Variants in SERPINB1 observed in about 807,000 individuals in gnomAD.
SERPINB1 encodes the protein serpin family B member 1, also known as leukocyte elastase inhibitor.
In SERPINB1, 23 loss-of-function variants were observed where a neutral mutation model predicts 25.9. The observed-to-expected ratio is 0.89, with a 90% CI of 0.64 to 1.26. SERPINB1 has a LOEUF of 1.26. SERPINB1 is among the 50% of genes most tolerant of loss of function. The pLI is 0.00. For missense variants in SERPINB1, 399 were observed against 463.6 expected (o/e 0.86, Z 1.28); for synonymous variants, 178 against 178.7 (o/e 1.00, Z 0.03).
At chr6:2,834,861 A>T (rs1561935013) in intron 6 of SERPINB1, among the ~76,000 whole-genome samples, 2 of 152,250 alleles carry the variant, frequency 1.3e-5, no homozygotes. Flanking sequence ...GAAATGATGT[A>T]TATAAAGTGC....
At position 2,833,599 on chromosome 6, in the gene SERPINB1, C is replaced by T; in HGVS notation, c.*9G>A. ...AGCTTGATTTTTGTATTGCTACAGT[C>T]TCTTTCTTCTAAGGGGAAGAAAATC... On this transcript the variant is annotated 3_prime_UTR_variant, in exon 7 of 7. Transcript: ENST00000380739. The T allele has an allele frequency of 6.3e-7, 1 of 1,589,280 alleles. No homozygotes were observed. The highest frequency in any genetic ancestry group is 8.6e-7 in the Non-Finnish European group (1 of 1,167,426).
chr6:2,841,513 C>T lies in SERPINB1; in HGVS notation c.-9+299G>A, dbSNP rs994668501. ...GAATTCAGGGAGAAGGGACAACATT[C>T]TGATCTCAGGTTTCAGTCTTGCCTT... On this transcript the variant is annotated intron_variant, in intron 1 of 6. Transcript: ENST00000380739. The surrounding 1 kb of genome is among the most constrained non-coding windows in gnomAD (Gnocchi z 4.5). 1.3e-5 allele frequency: 2 copies of T among 152,596 alleles called. No individual in the cohort carries two copies. The highest frequency in any genetic ancestry group is 2.9e-5 in the Non-Finnish European group (2 of 68,348). The allele number at this position is 152,596 out of a possible 1,614,324, so 9.5% of individuals were successfully genotyped here.
chr6:2,835,078 A>G (rs191271424), intron 6 of SERPINB1, among the ~76,000 whole-genome samples: 2 of 152,238 alleles, frequency 1.3e-5, no homozygotes, highest in Non-Finnish European at 2.9e-5. Flanking sequence ...ACAATGTATT[A>G]AAAGTCTGTA....
At chr6:2,834,513 TCATCCATCCACCCATTTACTCATCCACC>T (rs1252812284) in intron 6 of SERPINB1, among the ~76,000 whole-genome samples, 3 of 149,632 alleles carry the variant, frequency 2.0e-5, no homozygotes, top group Non-Finnish European at 4.5e-5. Flanking sequence ...CACCTATCTA[TCATCCATCCACCCATTTACTCATCCACC>T]CATCCACCCA....
intron 6 of SERPINB1, among the ~76,000 whole-genome samples, chr6:2,835,239 G>A (rs1004808485): frequency 9.9e-5 from 15 of 152,156 alleles, no homozygotes; most frequent in Admixed American, 9.2e-4. Flanking sequence ...GGCCTAACAT[G>A]TCACATGAGG....
At chr6:2,836,404 C>T (rs1302988205) in intron 4 of SERPINB1, among the ~76,000 whole-genome samples, 154 bp from the exon 5 acceptor site, 1 of 152,234 alleles carries the variant, frequency 6.6e-6, no homozygotes, top group East Asian at 1.9e-4. Context: ...TACTCACTAA[C>T]ATGTCTCTAC....
chr6:2,835,927 G>C lies in SERPINB1; in HGVS notation c.664C>G (p.Gln222Glu), dbSNP rs1196608353. The change falls in exon 6 of 7, where the codon CAA becomes GAA. Residue 222 changes from glutamine (Q) to glutamate (E), a missense_variant. Gln to Glu is a conservative substitution (Grantham distance 29). Coordinates refer to ENST00000380739, the MANE Select transcript of SERPINB1 (RefSeq NM_030666.4). ...ATGACCATGCTGAGCTCCTCGCCTT[G>C]GTAAGGCAGTTCCAGCACACGGCAC... ...LKCRVLELPY[Q>E]GEELSMVILL... is the part of the protein sequence containing the mutation. The C allele has an allele frequency of 6.2e-7, 1 of 1,614,106 alleles. No homozygotes were observed.
chr6:2,834,338 C>T (rs1581163414), intron 6 of SERPINB1, among the ~76,000 whole-genome samples: 1 of 136,454 alleles, frequency 7.3e-6, no homozygotes, highest in African/African-American at 2.7e-5. Context: ...CATCCATCCA[C>T]CCAGCTACCC....
At chr6:2,834,096 C>T in intron 6 of SERPINB1, 84 bp from the exon 7 acceptor site, 1 of 1,250,926 alleles carries the variant, frequency 8.0e-7, no homozygotes, top group South Asian at 1.5e-5. Context: ...TCAATGGACC[C>T]ATAATATCAG....
At position 2,832,373 on chromosome 6, in the gene SERPINB1, C is replaced by T. The variant is rs1766354260; in HGVS notation, c.*1235G>A. The T allele has an allele frequency of 6.6e-6, 1 of 152,152 alleles. No homozygotes were observed. The allele number at this position is 152,152 out of a possible 1,614,324, so 9.4% of individuals were successfully genotyped here. A position where few individuals can be genotyped will look rare whatever the true frequency, so the allele number is the denominator to read the frequency against. ...AGGACGTTTTATTAATTCATGATGC[C>T]CACTATCCTTGTGGGAGCAAGAATA... On this transcript the variant is annotated 3_prime_UTR_variant, in exon 7 of 7. Coordinates refer to ENST00000380739, the MANE Select transcript of SERPINB1 (RefSeq NM_030666.4).
chr6:2,838,029 A>G (rs768612210), intron 3 of SERPINB1, 30 bp from the exon 4 acceptor site: 9 of 1,426,418 alleles, frequency 6.3e-6, no homozygotes, highest in East Asian at 2.3e-5. Flanking sequence ...GGAAATATAT[A>G]TATAACTCCT....
Position 2,837,427 on chromosome 6 carries a change from T to C in SERPINB1, c.424+455A>G, listed in dbSNP as rs557481806. 6.6e-6 allele frequency among the ~76,000 whole-genome samples: 1 copy of C among 152,104 alleles called. No homozygotes were observed. The highest frequency in any genetic ancestry group is 2.1e-4 in the South Asian group (1 of 4,820). On this transcript the variant is annotated intron_variant, in intron 4 of 6. Coordinates refer to ENST00000380739, the MANE Select transcript of SERPINB1 (RefSeq NM_030666.4). The surrounding 1 kb of genome is among the most constrained non-coding windows in gnomAD (Gnocchi z 4.3). The stretch of plus-strand genomic sequence containing the variant: ...CAGAGTAGCTGGGATTACAGGTGTG[T>C]GCTACCACACCTGGCTAAATTTTTT...
chr6:2,840,354 C>T, intron 2 of SERPINB1, 65 bp downstream of exon 2: 1 of 1,583,382 alleles, frequency 6.3e-7, no homozygotes, highest in Non-Finnish European at 8.6e-7. Flanking sequence ...ACAACCTTTC[C>T]ATGCAGACTG....
chr6:2,837,986 G>T lies in SERPINB1; in HGVS notation c.320C>A (p.Ser107Ter). The T allele has an allele frequency of 1.9e-6, 3 of 1,611,182 alleles. No homozygotes were observed. Among genetic ancestry groups the T allele is most frequent in the Non-Finnish European group, 2.5e-6 (3 of 1,178,462 alleles). ...TYNFLPEFLV[S>*]TQKTYGADLA... is the part of the protein sequence containing the mutation. ...GTCAGCACCATATGTTTTCTGAGTC[G>T]AAACCAAGAACTCCTATTAAAAAAA... Residue 107 changes from serine (S) to a stop codon, truncating the protein, a stop_gained, in exon 4 of 7, where the codon TCG becomes TAG. Transcript: ENST00000380739. LOFTEE classifies it high-confidence loss of function. This position sits in a 1 kb window ranked among gnomAD's most constrained non-coding sequence, Gnocchi z 4.3.
In SERPINB1 at chr6:2,835,882, C is replaced by G. The variant is rs143394328; in HGVS notation, c.709G>C (p.Glu237Gln). Residue 237 changes from glutamate to glutamine, a missense_variant, in exon 6 of 7, where the codon GAG becomes CAG. Coordinates refer to ENST00000380739, the MANE Select transcript of SERPINB1 (RefSeq NM_030666.4). ...SMVILLPDDI[E>Q]DESTGLKKIE... ...TTCTTCAGGCCCGTGGACTCGTCCT[C>G]AATGTCATCCGGCAGCAGGATGACC... 374 of 1,614,128 alleles carry G rather than the reference C, an allele frequency of 2.3e-4. 1 individual carries two copies. The African/African-American group carries it at 4.1e-3, about 18-fold the overall frequency.
rs556366496 is a variant in SERPINB1 at position 2,837,581 on chromosome 6, A to C, written c.424+301T>G. Among the ~76,000 whole-genome samples, 29 of 152,180 alleles carry C rather than the reference A, an allele frequency of 1.9e-4. No homozygotes were observed. Among genetic ancestry groups the C allele is most frequent in the Non-Finnish European group, 1.2e-4 (8 of 68,024 alleles). On this transcript the variant is annotated intron_variant, in intron 4 of 6. Coordinates refer to ENST00000380739, the MANE Select transcript of SERPINB1 (RefSeq NM_030666.4). The surrounding 1 kb of genome is among the most constrained non-coding windows in gnomAD (Gnocchi z 4.3). ...CAGGCATGAGCCACCGCGCCTGCCA[A>C]TGTTGGTTTTAACTTTGAAATGCAA...
At chr6:2,836,087 T>C (rs766388510) in intron 5 of SERPINB1, 21 bp downstream of exon 5, 3 of 1,613,952 alleles carry the variant, frequency 1.9e-6, no homozygotes, top group South Asian at 1.1e-5. Flanking sequence ...TGCATGACTC[T>C]GTACAGTTAC....
rs555683814 is a variant in SERPINB1 at position 2,835,892 on chromosome 6, C to T, written c.699G>A (p.Pro233=). 26 of 1,614,110 alleles carry T rather than the reference C, an allele frequency of 1.6e-5. No homozygotes were observed. Among genetic ancestry groups the T allele is most frequent in the Admixed American group, 1.5e-4 (9 of 60,010 alleles). Residue 233 remains proline, a synonymous_variant, in exon 6 of 7, where the codon CCG becomes CCA. Transcript: ENST00000380739. ...CCGTGGACTCGTCCTCAATGTCATC[C>T]GGCAGCAGGATGACCATGCTGAGCT... ...GEELSMVILL[P]DDIEDESTGL... is the part of the protein sequence containing the mutation.
At chr6:2,835,678 A>G (rs568564371) in intron 6 of SERPINB1, among the ~76,000 whole-genome samples, 178 bp downstream of exon 6, 1 of 152,332 alleles carries the variant, frequency 6.6e-6, no homozygotes, top group Admixed American at 6.5e-5. Context: ...CTCTATAAGT[A>G]AATTTAAAAA....
Sources: allele counts gnomAD v4.1 joint callset (sites outside exome capture counted in the v4.1 genomes callset), GRCh38; gene constraint gnomAD v4.1.1; non-coding constraint Gnocchi (gnomAD v3.1); transcripts MANE v1.5; gene names NCBI Gene and HGNC (gene_info 2026-07-23, HGNC 2026-07-21).